Variants in LILRA5 observed in about 807,000 individuals in gnomAD.
The protein encoded by LILRA5 is leukocyte immunoglobulin-like receptor subfamily A member 5.
LILRA5 carries 31 observed loss-of-function variants against 36.3 expected under a neutral mutation model. That is an observed-to-expected ratio of 0.85 (90% CI 0.64 to 1.15). The LOEUF is 1.15. LILRA5 is among the 50% of genes most tolerant of loss of function. The probability of loss-of-function intolerance (pLI) is 0.00; values close to 1 mark genes in which losing one functional copy is unlikely to be tolerated. For synonymous variants in LILRA5, 144 were observed against 144.8 expected, an observed-to-expected ratio of 0.99 and a Z score of 0.04; for missense variants, 348 against 377.4, an observed-to-expected ratio of 0.92 and a Z score of 0.64.
intron 5 of LILRA5, chr19:54,310,094 G>T (rs2080978464): frequency 8.8e-6 from 2 of 227,058 alleles, no homozygotes; most frequent in Non-Finnish European, 1.8e-5. Flanking sequence ...GTCCTGAGTG[G>T]GCTCAGGGAC....
intron 1 of LILRA5, 78 bp from the exon 2 acceptor site, chr19:54,312,699 A>C: frequency 8.5e-6 from 12 of 1,404,062 alleles, no homozygotes; most frequent in Non-Finnish European, 1.2e-5. Context: ...TCTCATTCTC[A>C]GCCCACAGAA....
intron 5 of LILRA5, 106 bp from the exon 6 acceptor site, chr19:54,307,854 T>A: frequency 8.8e-6 from 8 of 912,166 alleles, no homozygotes; most frequent in Non-Finnish European, 1.4e-5. Flanking sequence ...CCTCTCAACA[T>A]GACTTTTATG....
In LILRA5 at chr19:54,307,203, C is replaced by T; in HGVS notation, c.*210G>A. 1 of 365,628 alleles carries T rather than the reference C, an allele frequency of 2.7e-6. No homozygotes were observed. The highest frequency in any genetic ancestry group is 4.6e-6 in the Non-Finnish European group (1 of 219,514). 22.6% of individuals were successfully genotyped at this position (365,628 alleles called of 1,614,324 possible). A position where few individuals can be genotyped will look rare whatever the true frequency, so the allele number is the denominator to read the frequency against. Reference sequence around the variant, plus strand: ...AGGTTGCAGTGAGCCCAGATTGCGCCACTGCATTCCAGCCTGGTGACAGAG... The same window carrying T: ...AGGTTGCAGTGAGCCCAGATTGCGCTACTGCATTCCAGCCTGGTGACAGAG... On this transcript the variant is annotated 3_prime_UTR_variant, in exon 7 of 7. Transcript: ENST00000432233.
At position 54,312,520 on chromosome 19, in the gene LILRA5, G is replaced by C. The variant is rs1330461526; in HGVS notation, c.88+17C>G. 6.2e-7 allele frequency: 1 copy of C among 1,614,166 alleles called. No individual in the cohort carries two copies. The highest frequency in any genetic ancestry group is 8.5e-7 in the Non-Finnish European group (1 of 1,179,988). Reference sequence around the variant, plus strand: ...TCCCAGACTAGGGTGCCCCTTCCCTGAGGCTTCCAATCTCACCGAGGCAGA... The same window carrying C: ...TCCCAGACTAGGGTGCCCCTTCCCTCAGGCTTCCAATCTCACCGAGGCAGA... On this transcript the variant is annotated intron_variant, in intron 2 of 6. Transcript: ENST00000432233.
In LILRA5 at chr19:54,313,136, G is replaced by A; in HGVS notation, c.-117C>T. On this transcript the variant is annotated 5_prime_UTR_variant, in exon 1 of 7. The change creates a premature stop within an existing upstream ORF in the 5' untranslated region. Coordinates refer to ENST00000432233, the MANE Select transcript of LILRA5 (RefSeq NM_021250.4). ...CTGGCTGTGTAGCCCAGGCTGAGCT[G>A]CATGTGGCAATGAGCACAGAGGAGA... is the stretch of plus-strand genomic sequence containing the variant. The A allele has an allele frequency of 1.8e-6, 2 of 1,134,742 alleles. No individual in the cohort carries two copies. Among genetic ancestry groups the A allele is most frequent in the Non-Finnish European group, 2.6e-6 (2 of 758,240 alleles). 70.3% of individuals were successfully genotyped at this position (1,134,742 alleles called of 1,614,324 possible).
chr19:54,307,298 T>C lies in LILRA5; in HGVS notation c.*115A>G, dbSNP rs1048225800. The C allele has an allele frequency of 6.3e-5, 55 of 873,922 alleles. No individual in the cohort carries two copies. Among genetic ancestry groups the C allele is most frequent in the South Asian group, 2.5e-4 (7 of 27,662 alleles). 54.1% of individuals were successfully genotyped at this position (873,922 alleles called of 1,614,324 possible). On this transcript the variant is annotated 3_prime_UTR_variant, in exon 7 of 7. Transcript: ENST00000432233. ...AAAGAAAAGAAAGAAAAAAAGAAAT[T>C]GCCAGCAGACAGTCCAGATGGCATA...
chr19:54,312,263 C>T (rs1761463), intron 3 of LILRA5, 72 bp downstream of exon 3: 1,080,814 of 1,612,880 alleles, frequency 0.67, 369,804 homozygotes, highest in Middle Eastern at 0.79. Context: ...GGTCTTCACC[C>T]CCAGCTGCCC....
chr19:54,308,387 ATATATATATATATATATATATG>A (rs2080938665), intron 5 of LILRA5: 1 of 88,892 alleles, frequency 1.1e-5, no homozygotes, highest in African/African-American at 4.4e-5. Flanking sequence ...ATATATATAT[ATATATATATATATATATATATG>A]GTGTTACAGA....
At chr19:54,308,406 T>C (rs1241970471) in intron 5 of LILRA5, 1 of 108,108 alleles carries the variant, frequency 9.3e-6, no homozygotes, top group Admixed American at 1.2e-4. Flanking sequence ...TATATATATA[T>C]ATGGTGTTAC....
intron 5 of LILRA5, chr19:54,308,327 GTGTGTGTGTATATATATGTATATATAAA>G (rs2080923680): frequency 1.2e-3 from 48 of 38,456 alleles, no homozygotes; most frequent in Admixed American, 2.4e-3. Context: ...GTGTGTGTGT[GTGTGTGTGTATATATATGTATATATAAA>G]TATATATATA....
rs376416811 is a variant in LILRA5, at chr19:54,311,621, C to T, written c.505G>A (p.Asp169Asn). 1.0e-4 allele frequency: 166 copies of T among 1,614,010 alleles called. No individual in the cohort carries two copies. Among genetic ancestry groups the T allele is most frequent in the Middle Eastern group, 1.6e-4 (1 of 6,084 alleles). ...TLQCGSRLRF[D>N]RFILTEEGDH... ...CCTTCCTCAGTCAGAATGAACCTGT[C>T]GAATCTCAGCCGTGAGCCACACTGG... Residue 169 changes from aspartate to asparagine, a missense_variant, in exon 5 of 7, where the codon GAC becomes AAC. Transcript: ENST00000432233.
rs779257056 is a variant in LILRA5 at position 54,311,559 on chromosome 19, C to T, written c.567G>A (p.Leu189=). ...HKLSWTLDSQ[L]TPSGQFQALF... ...GGGCCTGGAACTGCCCACTGGGGGT[C>T]AGCTGTGAGTCCAAGGTCCAGGAGA... The change falls in exon 5 of 7, where the codon CTG becomes CTA. Residue 189 remains leucine, a synonymous_variant. Transcript: ENST00000432233. The T allele has an allele frequency of 1.2e-6, 2 of 1,614,054 alleles. No homozygotes were observed. The highest frequency in any genetic ancestry group is 1.7e-6 in the Non-Finnish European group (2 of 1,180,042).
At chr19:54,308,639 A>C (rs1210259400) in intron 5 of LILRA5, 1 of 151,752 alleles carries the variant, frequency 6.6e-6, no homozygotes, top group African/African-American at 2.4e-5. Context: ...AGACAGGAGA[A>C]TCACTTGAAC....
Position 54,307,489 on chromosome 19 carries a change from A to G in LILRA5, c.824T>C (p.Ile275Thr). Residue 275 changes from isoleucine to threonine, a missense_variant, in exon 7 of 7, where the codon ATC becomes ACC. Physicochemically the swap from Ile to Thr is moderately conservative, Grantham distance 89. Transcript: ENST00000432233. ...TATCAGAATCCCAAGGACCACCAGG[A>G]TCAAGCCGGCCATGCCCATGCGGAT... ...NLIRMGMAGLILVVLGILIFQ... is the reference protein window; with the variant it reads ...NLIRMGMAGLTLVVLGILIFQ... 1 of 1,614,060 alleles carries G rather than the reference A, an allele frequency of 6.2e-7. No homozygotes were observed. The highest frequency in any genetic ancestry group is 8.5e-7 in the Non-Finnish European group (1 of 1,179,998).
At chr19:54,309,950 TC>T in intron 5 of LILRA5, 1 of 239,250 alleles carries the variant, frequency 4.2e-6, no homozygotes. Flanking sequence ...CACAGAGGCC[TC>T]CAGGTGAGCA....
rs764913585 is a variant in LILRA5 at position 54,312,537 on chromosome 19, C to T, written c.88G>A (p.Gly30Arg). The T allele has an allele frequency of 2.1e-5, 34 of 1,614,062 alleles. No homozygotes were observed. The highest frequency in any genetic ancestry group is 1.1e-4 in the East Asian group (5 of 44,890). The change falls in exon 2 of 7, where the codon GGG (glycine) becomes AGG (arginine). Residue 30 changes from glycine (G) to arginine (R), a missense_variant and splice_region_variant. Transcript: ENST00000432233. ...CCTTCCCTGAGGCTTCCAATCTCAC[C>T]GAGGCAGAGCAGAACCATGAGGGCA... ...SPALMVLLCLGLSLGPRTHVQ... is the reference protein window; with the variant it reads ...SPALMVLLCLRLSLGPRTHVQ...
chr19:54,309,870 G>C (rs569514202), intron 5 of LILRA5: 1 of 155,878 alleles, frequency 6.4e-6, no homozygotes, highest in South Asian at 1.8e-4. Context: ...AAGACGTGCT[G>C]TGAATAAGTT....
At position 54,311,556 on chromosome 19, in the gene LILRA5, G is replaced by A. The variant is rs754110827; in HGVS notation, c.570C>T (p.Thr190=). The A allele has an allele frequency of 1.7e-5, 27 of 1,614,158 alleles. No individual in the cohort carries two copies. The highest frequency in any genetic ancestry group is 2.0e-5 in the Non-Finnish European group (24 of 1,180,032). Reference sequence around the variant, plus strand: ...ACAGGGCCTGGAACTGCCCACTGGGGGTCAGCTGTGAGTCCAAGGTCCAGG... The same window carrying A: ...ACAGGGCCTGGAACTGCCCACTGGGAGTCAGCTGTGAGTCCAAGGTCCAGG... ...KLSWTLDSQL[T]PSGQFQALFP... The change falls in exon 5 of 7, where the codon ACC becomes ACT. Residue 190 remains threonine, a synonymous_variant. Coordinates refer to ENST00000432233, the MANE Select transcript of LILRA5 (RefSeq NM_021250.4).
In LILRA5 at chr19:54,312,337, G is replaced by T. The variant is rs1003948430; in HGVS notation, c.122C>A (p.Ala41Glu). The part of the protein sequence containing the change: ...LSLGPRTHVQ[A>E]GNLSKATLWA... ...GGGACAGCTGGGGACAGACTCACCT[G>T]CCTGCACGTGGGTCCTGGGGCCCAG... The change falls in exon 3 of 7, where the codon GCA becomes GAA. Residue 41 changes from alanine to glutamate, a missense_variant and splice_region_variant. Transcript: ENST00000432233. The T allele has an allele frequency of 1.1e-5, 17 of 1,614,216 alleles. No homozygotes were observed. The highest frequency in any genetic ancestry group is 1.4e-5 in the Non-Finnish European group (17 of 1,180,034).
Sources: gnomAD v4.1 joint callset for allele counts on GRCh38, gnomAD v4.1.1 for gene constraint, MANE v1.5 for transcripts, NCBI Gene and HGNC (gene_info 2026-07-23, HGNC 2026-07-21) for gene names.